UBR2: variants seen among roughly 807,000 people sequenced by gnomAD.
UBR2 encodes E3 ubiquitin-protein ligase UBR2.
A neutral mutation model predicts 247.9 loss-of-function variants in UBR2; 92 were observed. The observed-to-expected ratio is 0.37, with a 90% confidence interval of 0.31 to 0.44. The LOEUF (loss-of-function observed/expected upper bound fraction) is 0.44, where lower values mean the gene tolerates loss of function less well. Ranked by LOEUF, UBR2 falls within the 20% of genes least tolerant of loss-of-function variation. The pLI is 1.00. For missense variants in UBR2, 1,613 were observed against 2,112.6 expected, an observed-to-expected ratio of 0.76 and a Z score of 4.64; for synonymous variants, 672 against 693.5, an observed-to-expected ratio of 0.97 and a Z score of 0.49.
chr6:42,600,343 TCAAAG>T (rs1329617402), intron 4 of UBR2, among the ~76,000 whole-genome samples: 1 of 119,978 alleles, frequency 8.3e-6, no homozygotes, highest in East Asian at 2.4e-4. Context: ...ATAAATATAA[TCAAAG>T]AGCTAAAATT....
chr6:42,593,548 T>G (rs895992558), intron 3 of UBR2, among the ~76,000 whole-genome samples: 2 of 152,210 alleles, frequency 1.3e-5, no homozygotes, highest in Admixed American at 6.5e-5. Context: ...GTCTACCAAT[T>G]ATTAATTCTG....
In UBR2 at chr6:42,650,358, A is replaced by G. The variant is rs766406281; in HGVS notation, c.2537A>G (p.Tyr846Cys). The G allele has an allele frequency of 6.2e-7, 1 of 1,613,996 alleles. No homozygotes were observed. ...ECAKEFNLYF[Y>C]HFSRAEQSKA... Reference sequence around the variant, plus strand: ...GCCAAAGAGTTCAACTTGTATTTCTATCACTTTTCAAGGGCAGAACAGTCC... The same window carrying G: ...GCCAAAGAGTTCAACTTGTATTTCTGTCACTTTTCAAGGGCAGAACAGTCC... The change falls in exon 23 of 47, where the codon TAT becomes TGT. Residue 846 changes from tyrosine (Y) to cysteine (C), a missense_variant. Tyr to Cys is a radical substitution (Grantham distance 194, BLOSUM62 -2). This residue lies in a region of UBR2 where 1,524 missense variants were observed against 1,967.3 expected (regional missense o/e 0.77). Transcript: ENST00000372901.
chr6:42,655,253 G>A (rs1029167630), intron 25 of UBR2, among the ~76,000 whole-genome samples: 1 of 151,908 alleles, frequency 6.6e-6, no homozygotes, highest in African/African-American at 2.4e-5. Flanking sequence ...CAAGGTGGGC[G>A]GATCACTTGA....
intron 30 of UBR2, among the ~76,000 whole-genome samples, 193 bp downstream of exon 30, chr6:42,660,048 T>A (rs1405014496): frequency 6.6e-6 from 1 of 152,206 alleles, no homozygotes; most frequent in Non-Finnish European, 1.5e-5. Context: ...CTGAATCACA[T>A]AGCTGATAAA....
At chr6:42,675,968 CAAAAT>C (rs946308702) in intron 38 of UBR2, 83 bp from the exon 39 acceptor site, 164 of 1,486,060 alleles carry the variant, frequency 1.1e-4, no homozygotes, top group Non-Finnish European at 1.3e-4. Flanking sequence ...AAAAAAAAAT[CAAAAT>C]AAAAGTAAAA....
At chr6:42,667,095 G>C (rs2151979676) in intron 34 of UBR2, among the ~76,000 whole-genome samples, 1 of 152,198 alleles carries the variant, frequency 6.6e-6, no homozygotes, top group Non-Finnish European at 1.5e-5. Flanking sequence ...CAGGACTTTG[G>C]GAGGCCATGG....
intron 41 of UBR2, 112 bp downstream of exon 41, chr6:42,678,781 A>G (rs1798869949): frequency 5.2e-6 from 6 of 1,164,248 alleles, no homozygotes; most frequent in African/African-American, 1.6e-5. Context: ...AGAATAGCTT[A>G]TTGACTATGG....
intron 2 of UBR2, among the ~76,000 whole-genome samples, chr6:42,575,066 A>G (rs918696510): frequency 5.9e-5 from 9 of 152,218 alleles, no homozygotes; most frequent in Non-Finnish European, 1.2e-4. Flanking sequence ...ATACATAAAT[A>G]CAGATGGGAA....
Position 42,642,543 on chromosome 6 carries a change from A to G in UBR2, c.2097+62A>G, listed in dbSNP as rs774528077. The G allele has an allele frequency of 9.5e-5, 134 of 1,409,860 alleles. 1 individual carries two copies. Among genetic ancestry groups the G allele is most frequent in the Non-Finnish European group, 1.2e-4 (126 of 1,012,466 alleles). 87.3% of individuals were successfully genotyped at this position (1,409,860 alleles called of 1,614,324 possible). The stretch of plus-strand genomic sequence containing the variant: ...GGAATCTTTGCTTCTTGTTATTTCC[A>G]TAGAATTCAGTCACTTGTGATCACT... On this transcript the variant is annotated intron_variant, in intron 18 of 46. Transcript: ENST00000372901.
intron 44 of UBR2, 112 bp from the exon 45 acceptor site, chr6:42,688,104 C>A: frequency 8.0e-7 from 1 of 1,245,194 alleles, no homozygotes; most frequent in Non-Finnish European, 1.2e-6. Flanking sequence ...AGGATATACA[C>A]TTCTTTGGCT....
intron 25 of UBR2, 91 bp from the exon 26 acceptor site, chr6:42,655,530 C>G: frequency 3.0e-6 from 2 of 663,336 alleles, no homozygotes; most frequent in Non-Finnish European, 4.8e-6. Flanking sequence ...TTTGATTTAT[C>G]TTTTTCAATA....
chr6:42,691,207 T>G lies in UBR2; in HGVS notation c.*34T>G. 1.9e-6 allele frequency: 3 copies of G among 1,603,688 alleles called. No homozygotes were observed. Among genetic ancestry groups the G allele is most frequent in the Non-Finnish European group, 2.5e-6 (3 of 1,177,828 alleles). ...CCACCAAAAAACACAAACTTGGATT[T>G]TTTTAACCCAGTTGGCTTTTTAAGA... On this transcript the variant is annotated 3_prime_UTR_variant, in exon 47 of 47. Transcript: ENST00000372901.
intron 23 of UBR2, 92 bp downstream of exon 23, chr6:42,650,478 G>A (rs1414081895): frequency 2.8e-6 from 3 of 1,083,254 alleles, no homozygotes; most frequent in Non-Finnish European, 4.0e-6. Context: ...CTAGAGTTTG[G>A]TGGCTATTCA....
chr6:42,680,287 A>G (rs1312348222), intron 42 of UBR2, among the ~76,000 whole-genome samples: 3 of 152,160 alleles, frequency 2.0e-5, no homozygotes, highest in East Asian at 3.8e-4. Context: ...CACCTGGCCT[A>G]TGAGTAGGCC....
intron 7 of UBR2, among the ~76,000 whole-genome samples, chr6:42,607,739 G>A (rs1254175953): frequency 6.6e-5 from 9 of 136,310 alleles, no homozygotes; most frequent in African/African-American, 1.9e-4. Context: ...TTTTTTAGTA[G>A]AGAAGGGGTT....
At chr6:42,665,232 T>A (rs1304861918) in intron 32 of UBR2, among the ~76,000 whole-genome samples, 177 bp from the exon 33 acceptor site, 2 of 152,164 alleles carry the variant, frequency 1.3e-5, no homozygotes, top group African/African-American at 4.8e-5. Flanking sequence ...TGACAAATAA[T>A]ATATTCCTTT....
Position 42,652,538 on chromosome 6 carries a change from C to A in UBR2, c.2662C>A (p.Leu888Met). 1 of 1,613,032 alleles carries A rather than the reference C, an allele frequency of 6.2e-7. No individual in the cohort carries two copies. The highest frequency in any genetic ancestry group is 8.5e-7 in the Non-Finnish European group (1 of 1,179,862). ...TCCATTCTGCCCTCTGTTTGCAAGCCTGGTTAACATTTTGCAGTCAGATGT... is the reference window on the plus strand; with the variant it reads ...TCCATTCTGCCCTCTGTTTGCAAGCATGGTTAACATTTTGCAGTCAGATGT... ...LPPFCPLFAS[L>M]VNILQSDVML... Residue 888 changes from leucine (L) to methionine (M), a missense_variant, in exon 25 of 47, where the codon CTG (leucine) becomes ATG (methionine). This residue lies in a region of UBR2 where 1,524 missense variants were observed against 1,967.3 expected (regional missense o/e 0.77). Coordinates refer to ENST00000372901, the MANE Select transcript of UBR2 (RefSeq NM_001363705.2).
In UBR2 at chr6:42,641,645, G is replaced by C. The variant is rs1409732968; in HGVS notation, c.1984G>C (p.Val662Leu). 3.7e-6 allele frequency: 6 copies of C among 1,608,954 alleles called. No individual in the cohort carries two copies. The South Asian group carries it at 6.7e-5, about 18-fold the overall frequency. The change falls in exon 17 of 47, where the codon GTA becomes CTA. Residue 662 changes from valine to leucine, a missense_variant. Coordinates refer to ENST00000372901, the MANE Select transcript of UBR2 (RefSeq NM_001363705.2). Reference sequence around the variant, plus strand: ...TAGATGTCTTGTTCTGTGTGCCCAAGTACATGCCGGAATGTGGAGAAGAAA... The same window carrying C: ...TAGATGTCTTGTTCTGTGTGCCCAACTACATGCCGGAATGTGGAGAAGAAA... ...PLRCLVLCAQ[V>L]HAGMWRRNGF...
intron 36 of UBR2, among the ~76,000 whole-genome samples, chr6:42,672,380 G>A (rs1798498824): frequency 6.6e-6 from 1 of 151,942 alleles, no homozygotes; most frequent in Non-Finnish European, 1.5e-5. Flanking sequence ...GGTCAGCAGA[G>A]TCTGACAAAT....
Sources: gnomAD v4.1 joint callset for allele counts (sites outside exome capture counted in the v4.1 genomes callset) on GRCh38, gnomAD v4.1.1 for gene constraint, gnomAD v4.1.1 regional missense constraint, MANE v1.5 for transcripts, NCBI Gene and HGNC (gene_info 2026-07-23, HGNC 2026-07-21) for gene names.